Variants in RGSL1 observed in about 807,000 individuals in gnomAD.
RGSL1 encodes the protein regulator of G protein signaling like 1.
RGSL1 carries 97 observed loss-of-function variants against 124.7 expected under a neutral mutation model. That is an observed-to-expected ratio of 0.78 (90% CI 0.66 to 0.92). RGSL1 has a LOEUF of 0.92. Ranked by LOEUF, RGSL1 falls within the 40% of genes least tolerant of loss-of-function variation. The pLI is 0.00. For synonymous variants in RGSL1, 424 were observed against 438.1 expected (o/e 0.97, Z 0.40); for missense variants, 1,233 against 1,288.4 (o/e 0.96, Z 0.66).
chr1:182,556,394 A>G (rs1342298131), intron 21 of RGSL1, among the ~76,000 whole-genome samples, 172 bp downstream of exon 21: 1 of 152,244 alleles, frequency 6.6e-6, no homozygotes, highest in Non-Finnish European at 1.5e-5. Flanking sequence ...GAAGGCAATC[A>G]GGAGCAAGGT....
intron 4 of RGSL1, among the ~76,000 whole-genome samples, chr1:182,471,843 A>C (rs1197690169): frequency 6.6e-6 from 1 of 152,202 alleles, no homozygotes; most frequent in Non-Finnish European, 1.5e-5. Context: ...CTCCAGCTCA[A>C]CAACATTAAG....
chr1:182,501,108 TATA>T (rs1456471040), intron 9 of RGSL1, among the ~76,000 whole-genome samples: 2 of 152,150 alleles, frequency 1.3e-5, no homozygotes, highest in East Asian at 1.9e-4. Flanking sequence ...CACCATTGAC[TATA>T]ATGTTTCCTG....
Position 182,474,646 on chromosome 1 carries a change from C to G in RGSL1, c.1431+104C>G, listed in dbSNP as rs1654143392. On this transcript the variant is annotated intron_variant, in intron 6 of 21. Transcript: ENST00000294854. ...TACTGGCTAAGTGACTATATAATTA[C>G]CCACATAAACCTTTACATATTGAAG... 3.6e-6 allele frequency: 5 copies of G among 1,393,688 alleles called. No homozygotes were observed. The Admixed American group carries it at 1.4e-4, about 40-fold the overall frequency. 86.3% of individuals were successfully genotyped at this position (1,393,688 alleles called of 1,614,324 possible).
intron 2 of RGSL1, 156 bp from the exon 3 acceptor site, chr1:182,458,163 A>T (rs1252646831): frequency 1.7e-6 from 1 of 598,148 alleles, no homozygotes; most frequent in Non-Finnish European, 3.0e-6. Context: ...GCATGTGTGC[A>T]GGGCAAGTTG....
intron 10 of RGSL1, among the ~76,000 whole-genome samples, chr1:182,523,909 A>T (rs987549223): frequency 6.6e-6 from 1 of 152,218 alleles, no homozygotes; most frequent in Non-Finnish European, 1.5e-5. Context: ...GAGGATCAGG[A>T]AAATTAGAAT....
At chr1:182,557,142 G>T (rs1311089164) in intron 21 of RGSL1, among the ~76,000 whole-genome samples, 1 of 152,162 alleles carries the variant, frequency 6.6e-6, no homozygotes. Context: ...CTCTAGAGGA[G>T]GCTGAAAAAA....
At chr1:182,524,868 C>G (rs1658624834) in intron 10 of RGSL1, among the ~76,000 whole-genome samples, 1 of 152,160 alleles carries the variant, frequency 6.6e-6, no homozygotes, top group Non-Finnish European at 1.5e-5. Context: ...AAAGGGAAAT[C>G]TGGGAGCAAG....
intron 6 of RGSL1, among the ~76,000 whole-genome samples, chr1:182,475,785 C>A (rs1469072779): frequency 6.6e-6 from 1 of 152,100 alleles, no homozygotes; most frequent in African/African-American, 2.4e-5. Flanking sequence ...TCTTCCAAGG[C>A]ACAAACAGGG....
chr1:182,499,073 G>A (rs192281569), intron 9 of RGSL1, among the ~76,000 whole-genome samples: 26 of 152,292 alleles, frequency 1.7e-4, no homozygotes, highest in East Asian at 7.7e-4. Flanking sequence ...GATTACAGGC[G>A]CGAGCCCCGG....
chr1:182,495,377 G>A (rs1449677817), intron 9 of RGSL1, among the ~76,000 whole-genome samples: 1 of 151,700 alleles, frequency 6.6e-6, no homozygotes, highest in Non-Finnish European at 1.5e-5. Flanking sequence ...TTGTTTTTTG[G>A]AGGGCTTTAA....
At chr1:182,542,722 G>A (rs1178151361) in intron 15 of RGSL1, among the ~76,000 whole-genome samples, 1 of 151,960 alleles carries the variant, frequency 6.6e-6, no homozygotes, top group African/African-American at 2.4e-5. Flanking sequence ...AATTGTGTGT[G>A]TCTTCTTCAA....
chr1:182,469,888 T>C (rs1482755712), intron 4 of RGSL1, among the ~76,000 whole-genome samples: 1 of 152,108 alleles, frequency 6.6e-6, no homozygotes, highest in Non-Finnish European at 1.5e-5. Flanking sequence ...GACATGCTAA[T>C]TGAAGTAAGC....
chr1:182,460,901 CA>C (rs1652775269), intron 4 of RGSL1: 3 of 351,262 alleles, frequency 8.5e-6, no homozygotes, highest in African/African-American at 2.1e-5. Flanking sequence ...CCATGGCACA[CA>C]GTTGTGCACA....
At chr1:182,485,184 C>T (rs1482488248) in intron 6 of RGSL1, among the ~76,000 whole-genome samples, 2 of 152,096 alleles carry the variant, frequency 1.3e-5, no homozygotes, top group African/African-American at 4.8e-5. Context: ...CCTAGCTTTT[C>T]ACAATAGGAA....
chr1:182,526,785 GAC>G lies in RGSL1; in HGVS notation c.1932-790_1932-789del, dbSNP rs200729407. Among the ~76,000 whole-genome samples the G allele has an allele frequency of 1.6e-4, 24 of 152,062 alleles. No homozygotes were observed. In the East Asian group the frequency reaches 3.3e-3, roughly 21 times the overall value. ...AAAAAAAGGCTTTTACAAAATCTAA[GAC>G]ACATGTGTGATTTTTAAAACTCTCA... On this transcript the variant is annotated intron_variant, in intron 10 of 21. Coordinates refer to ENST00000294854, the MANE Select transcript of RGSL1 (RefSeq NM_001137669.2).
upstream of RGSL1, among the ~76,000 whole-genome samples, chr1:182,448,622 A>C (rs893180077): frequency 4.6e-5 from 7 of 152,150 alleles, no homozygotes; most frequent in African/African-American, 1.7e-4. Context: ...CAGAATTGCC[A>C]GGGGACGGTC....
chr1:182,496,977 C>T (rs1655960991), intron 9 of RGSL1, among the ~76,000 whole-genome samples: 2 of 152,084 alleles, frequency 1.3e-5, no homozygotes, highest in Admixed American at 6.6e-5. Context: ...CCCCAAAATG[C>T]TTAGCCTTTA....
At chr1:182,470,853 G>A (rs552390135) in intron 4 of RGSL1, among the ~76,000 whole-genome samples, 1 of 152,196 alleles carries the variant, frequency 6.6e-6, no homozygotes, top group South Asian at 2.1e-4. Flanking sequence ...CTAGGGAAAG[G>A]AAACTAAATA....
At chr1:182,502,607 G>A (rs1656479937) in intron 9 of RGSL1, among the ~76,000 whole-genome samples, 2 of 151,960 alleles carry the variant, frequency 1.3e-5, no homozygotes, top group South Asian at 4.2e-4. Flanking sequence ...GATTTAGCAT[G>A]CTGTTCTTTA....
Sources: allele counts gnomAD v4.1 joint callset (sites outside exome capture counted in the v4.1 genomes callset), GRCh38; gene constraint gnomAD v4.1.1; transcripts MANE v1.5; gene names NCBI Gene and HGNC (gene_info 2026-07-23, HGNC 2026-07-21).